PTP4A1: variants seen among roughly 807,000 people sequenced by gnomAD.
PTP4A1 encodes the protein protein tyrosine phosphatase type IVA 1.
A neutral mutation model predicts 20.5 loss-of-function variants in PTP4A1; 9 were observed. That is an observed-to-expected ratio of 0.44 (90% CI 0.26 to 0.77). The LOEUF (loss-of-function observed/expected upper bound fraction) is 0.77. Among genes scored for constraint, PTP4A1 ranks in the 30% least tolerant of loss-of-function variants. PTP4A1 has a pLI of 0.19. For missense variants in PTP4A1, 137 were observed against 218.8 expected (o/e 0.63, Z 2.36); for synonymous variants, 78 against 67.4 (o/e 1.16, Z -0.77).
chr6:63,580,877 C>T lies in PTP4A1; in HGVS notation c.*703C>T, dbSNP rs1161486938. 1 of 152,524 alleles carries T rather than the reference C, an allele frequency of 6.6e-6. No individual in the cohort carries two copies. The highest frequency in any genetic ancestry group is 2.4e-5 in the African/African-American group (1 of 41,414). The allele number at this position is 152,524 out of a possible 1,614,324, so 9.4% of individuals were successfully genotyped here. A position where few individuals can be genotyped will look rare whatever the true frequency, so the allele number is the denominator to read the frequency against. Reference sequence around the variant, plus strand: ...AATGTCTTCAGACAAAAAAGCCTTACATTAATTTAATGTTTGCACTCTGAG... The same window carrying T: ...AATGTCTTCAGACAAAAAAGCCTTATATTAATTTAATGTTTGCACTCTGAG... On this transcript the variant is annotated 3_prime_UTR_variant, in exon 6 of 6. Transcript: ENST00000626021.
At chr6:63,523,879 C>T (rs1775046435) in intron 1 of PTP4A1, among the ~76,000 whole-genome samples, 1 of 152,052 alleles carries the variant, frequency 6.6e-6, no homozygotes, top group Non-Finnish European at 1.5e-5. Flanking sequence ...AACAGATTGC[C>T]TACTCCTAGC....
chr6:63,541,531 C>A (rs1029824545), intron 2 of PTP4A1, among the ~76,000 whole-genome samples: 2 of 151,966 alleles, frequency 1.3e-5, no homozygotes, highest in African/African-American at 2.4e-5. Flanking sequence ...CCAGCCTGGG[C>A]GACCTTGTCT....
upstream of PTP4A1, chr6:63,572,418 T>C (rs1215244459): frequency 2.8e-6 from 1 of 350,982 alleles, no homozygotes; most frequent in Non-Finnish European, 5.1e-6. Flanking sequence ...CAGGCCGCGA[T>C]TGGTGGCTGG....
intron 2 of PTP4A1, among the ~76,000 whole-genome samples, chr6:63,541,917 A>G (rs1348784249): frequency 2.0e-5 from 3 of 151,848 alleles, no homozygotes; most frequent in Non-Finnish European, 4.4e-5. Flanking sequence ...GGTGTCTCCC[A>G]TCTTTTTCTG....
chr6:63,549,420 G>T, intron 2 of PTP4A1: 1 of 751,022 alleles, frequency 1.3e-6, no homozygotes, highest in East Asian at 2.5e-5. Flanking sequence ...TCTCAAACAG[G>T]GGATTCACCA....
At chr6:63,521,145 G>A (rs182220111), upstream of PTP4A1, among the ~76,000 whole-genome samples, 34 of 152,090 alleles carry the variant, frequency 2.2e-4, no homozygotes, top group Admixed American at 2.2e-3. Context: ...GGGGTTGATA[G>A]GTGCAACAAA....
At chr6:63,574,646 A>G (rs1033731027) in intron 1 of PTP4A1, among the ~76,000 whole-genome samples, 1 of 152,188 alleles carries the variant, frequency 6.6e-6, no homozygotes, top group Non-Finnish European at 1.5e-5. Flanking sequence ...AAATATGGAA[A>G]TAGTGGTGTG....
upstream of PTP4A1, among the ~76,000 whole-genome samples, chr6:63,568,305 A>C (rs1275592487): frequency 6.6e-6 from 1 of 152,172 alleles, no homozygotes. Flanking sequence ...TCTTCCTTTC[A>C]CTTGAACACT....
chr6:63,546,439 C>G (rs1776183672), intron 2 of PTP4A1, among the ~76,000 whole-genome samples: 1 of 152,196 alleles, frequency 6.6e-6, no homozygotes, highest in African/African-American at 2.4e-5. Context: ...GGTGCGGTGG[C>G]TCACGCATGT....
intron 2 of PTP4A1, among the ~76,000 whole-genome samples, chr6:63,543,862 T>G (rs1776077694): frequency 6.6e-6 from 1 of 152,232 alleles, no homozygotes; most frequent in Non-Finnish European, 1.5e-5. Flanking sequence ...CAAAGTAGAT[T>G]TCATTTTACT....
chr6:63,575,430 TATGCTGTGACTATTGGTTTA>T (rs1777790397), intron 1 of PTP4A1, among the ~76,000 whole-genome samples: 1 of 152,200 alleles, frequency 6.6e-6, no homozygotes, highest in African/African-American at 2.4e-5. Context: ...ATTTTAAAAA[TATGCTGTGACTATTGGTTTA>T]ATGTTTGATA....
intron 3 of PTP4A1, among the ~76,000 whole-genome samples, chr6:63,564,112 T>C (rs1777082130): frequency 6.6e-6 from 1 of 151,936 alleles, no homozygotes; most frequent in Non-Finnish European, 1.5e-5. Context: ...CCATCTCTAC[T>C]AAAAATACAA....
At chr6:63,550,003 C>A (rs1407085084) in intron 2 of PTP4A1, among the ~76,000 whole-genome samples, 1 of 152,098 alleles carries the variant, frequency 6.6e-6, no homozygotes, top group Admixed American at 6.6e-5. Context: ...AGATGAGGAA[C>A]ACACTAATTA....
intron 1 of PTP4A1, among the ~76,000 whole-genome samples, chr6:63,576,219 T>C (rs1777857987): frequency 6.6e-6 from 1 of 151,918 alleles, no homozygotes; most frequent in Non-Finnish European, 1.5e-5. Flanking sequence ...TAATAGATCA[T>C]GGATTTCAGT....
rs186076448 is a variant in PTP4A1 at position 63,526,046 on chromosome 6, C to G, written c.-905-1773C>G. On this transcript the variant is annotated intron_variant, in intron 1 of 3. Transcript: ENST00000639568. ...TTATTGCCTTAAGAAATTTCTAGGC[C>G]AGGCGCAGTGGCTCATGCCTGTAAT... Among the ~76,000 whole-genome samples, 68 of 152,212 alleles carry G rather than the reference C, an allele frequency of 4.5e-4. 1 individual carries two copies. Among genetic ancestry groups the G allele is most frequent in the African/African-American group, 1.6e-3 (65 of 41,540 alleles).
At chr6:63,564,964 T>C (rs762205517) in intron 3 of PTP4A1, among the ~76,000 whole-genome samples, 18 of 152,336 alleles carry the variant, frequency 1.2e-4, no homozygotes, top group Non-Finnish European at 2.4e-4. Flanking sequence ...CCTTTCAGCA[T>C]GCAAATGAAA....
At chr6:63,556,502 T>C (rs965353903) in intron 3 of PTP4A1, among the ~76,000 whole-genome samples, 1 of 152,186 alleles carries the variant, frequency 6.6e-6, no homozygotes, top group African/African-American at 2.4e-5. Flanking sequence ...CTTAACGATA[T>C]TATGGCAAAA....
chr6:63,572,874 C>T (rs1777549557), intron 1 of PTP4A1, among the ~76,000 whole-genome samples, 155 bp downstream of exon 1: 1 of 151,998 alleles, frequency 6.6e-6, no homozygotes, highest in African/African-American at 2.4e-5. Context: ...GGTTATGGCC[C>T]TGTGGCCGGC....
At position 63,572,797 on chromosome 6, in the gene PTP4A1, G is replaced by C. The variant is rs1581945676; in HGVS notation, c.-446+78G>C. On this transcript the variant is annotated intron_variant, in intron 1 of 5. Coordinates refer to ENST00000626021, the MANE Select transcript of PTP4A1 (RefSeq NM_003463.5). ...CCCATCCCCGCTGTCGCCTTTGTTCGGAGCCCGGCGTCTCCTCCAGGTTGC... is the reference window on the plus strand; with the variant it reads ...CCCATCCCCGCTGTCGCCTTTGTTCCGAGCCCGGCGTCTCCTCCAGGTTGC... 5 of 397,526 alleles carry C rather than the reference G, an allele frequency of 1.3e-5. No individual in the cohort carries two copies. The East Asian group carries it at 1.8e-4, about 14-fold the overall frequency. The allele number at this position is 397,526 out of a possible 1,614,324, so 24.6% of individuals were successfully genotyped here. A position where few individuals can be genotyped will look rare whatever the true frequency, so the allele number is the denominator to read the frequency against.
Sources: allele counts gnomAD v4.1 joint callset (sites outside exome capture counted in the v4.1 genomes callset), GRCh38; gene constraint gnomAD v4.1.1; transcripts MANE v1.5; gene names NCBI Gene and HGNC (gene_info 2026-07-23, HGNC 2026-07-21).